ZNF385D: variants seen among roughly 807,000 people sequenced by gnomAD.
The protein encoded by ZNF385D is zinc finger protein 659.
ZNF385D carries 15 observed loss-of-function variants against 35.8 expected under a neutral mutation model. The ratio of observed to expected loss-of-function variants is 0.42; its 90% CI spans 0.28 to 0.64. ZNF385D has a LOEUF of 0.64. Among genes scored for constraint, ZNF385D ranks in the 30% least tolerant of loss-of-function variants. The probability of loss-of-function intolerance (pLI) is 0.23; values close to 1 mark genes in which losing one functional copy is unlikely to be tolerated. For missense variants in ZNF385D, 474 were observed against 494.6 expected, an observed-to-expected ratio of 0.96 and a Z score of 0.39; for synonymous variants, 212 against 186.8, an observed-to-expected ratio of 1.13 and a Z score of -1.10.
intron 2 of ZNF385D, among the ~76,000 whole-genome samples, chr3:22,194,397 T>C (rs945037460): frequency 6.6e-6 from 1 of 151,882 alleles, no homozygotes; most frequent in Admixed American, 6.6e-5. Context: ...TGGTGCATAA[T>C]ATAGAGTTAG....
At chr3:21,480,261 C>A (rs1704531597) in intron 4 of ZNF385D, among the ~76,000 whole-genome samples, 1 of 151,952 alleles carries the variant, frequency 6.6e-6, no homozygotes, top group African/African-American at 2.4e-5. Context: ...CACCACCACA[C>A]CCAGCTAATT....
chr3:22,279,627 T>TACATATAC, intron 2 of ZNF385D, among the ~76,000 whole-genome samples: 1 of 105,082 alleles, frequency 9.5e-6, no homozygotes, highest in African/African-American at 5.8e-5. Flanking sequence ...TATATGTATA[T>TACATATAC]GTGTGTATAT....
intron 3 of ZNF385D, among the ~76,000 whole-genome samples, chr3:21,990,965 A>T (rs1437254952): frequency 6.6e-6 from 1 of 152,246 alleles, no homozygotes; most frequent in Non-Finnish European, 1.5e-5. Flanking sequence ...GGCAATACCA[A>T]CAGTGCACTG....
intron 4 of ZNF385D, among the ~76,000 whole-genome samples, chr3:21,441,446 G>A (rs933857491): frequency 6.6e-6 from 1 of 152,144 alleles, no homozygotes; most frequent in Non-Finnish European, 1.5e-5. Context: ...TCAGTTGCAT[G>A]TGCTCTTCAT....
intron 3 of ZNF385D, among the ~76,000 whole-genome samples, chr3:21,963,424 A>C (rs1025480118): frequency 6.6e-6 from 1 of 152,168 alleles, no homozygotes; most frequent in Admixed American, 6.5e-5. Context: ...GGGAGGGGAA[A>C]GAGTTCGCAT....
rs566041937 is a variant in ZNF385D, at chr3:22,317,134, G to A, written c.106+55316C>T. On this transcript the variant is annotated intron_variant, in intron 2 of 5. Coordinates refer to the ZNF385D transcript ENST00000494108. ...CTCTACTAAAAATACAAAATTAGCCGGGCATGGTGGCATGCACCTGTAATT... is the reference window on the plus strand; with the variant it reads ...CTCTACTAAAAATACAAAATTAGCCAGGCATGGTGGCATGCACCTGTAATT... Among the ~76,000 whole-genome samples, 45 of 151,388 alleles carry A rather than the reference G, an allele frequency of 3.0e-4. No individual in the cohort carries two copies. The East Asian group carries it at 3.9e-3, about 13-fold the overall frequency.
intron 2 of ZNF385D, among the ~76,000 whole-genome samples, chr3:22,307,119 G>C (rs370135345): frequency 1.3e-5 from 2 of 151,990 alleles, no homozygotes; most frequent in African/African-American, 2.4e-5. Context: ...AAGTTTCTGC[G>C]CCCTAAAAGG....
At chr3:21,510,686 C>A (rs1326503200) in intron 4 of ZNF385D, among the ~76,000 whole-genome samples, 175 bp downstream of exon 4, 1 of 152,138 alleles carries the variant, frequency 6.6e-6, no homozygotes, top group East Asian at 1.9e-4. Flanking sequence ...TAGTGATTAT[C>A]TTAATCTTGC....
intron 3 of ZNF385D, among the ~76,000 whole-genome samples, chr3:22,111,186 G>A (rs1490552909): frequency 2.6e-4 from 17 of 64,600 alleles, no homozygotes; most frequent in Non-Finnish European, 1.2e-4. Flanking sequence ...TGTTTTTTTT[G>A]TACTCTCAGG....
intron 3 of ZNF385D, among the ~76,000 whole-genome samples, chr3:22,100,396 C>G (rs554126632): frequency 1.8e-3 from 270 of 147,942 alleles, no homozygotes; most frequent in African/African-American, 6.7e-3. Flanking sequence ...ATGTTTATTG[C>G]GGCAGTATTC....
intron 3 of ZNF385D, among the ~76,000 whole-genome samples, chr3:21,516,373 A>G (rs181026048): frequency 2.6e-5 from 4 of 152,204 alleles, no homozygotes; most frequent in Non-Finnish European, 4.4e-5. Context: ...GACCATTTTG[A>G]GCTGATTATT....
chr3:22,285,250 A>G (rs1701965486), intron 2 of ZNF385D, among the ~76,000 whole-genome samples: 1 of 152,168 alleles, frequency 6.6e-6, no homozygotes, highest in African/African-American at 2.4e-5. Flanking sequence ...TGGTGATAAG[A>G]GGCTCATCTG....
intron 2 of ZNF385D, among the ~76,000 whole-genome samples, chr3:22,203,100 GGC>G (rs1447167505): frequency 6.6e-6 from 1 of 152,042 alleles, no homozygotes; most frequent in Non-Finnish European, 1.5e-5. Flanking sequence ...CTCAATCCCA[GGC>G]AGTGCAGCTC....
At chr3:21,879,515 G>A (rs900647666) in intron 3 of ZNF385D, among the ~76,000 whole-genome samples, 4 of 151,872 alleles carry the variant, frequency 2.6e-5, no homozygotes, top group African/African-American at 9.7e-5. Flanking sequence ...TAGCTGATCT[G>A]CTGTAAACTT....
chr3:21,794,124 T>C (rs907533269), intron 3 of ZNF385D, among the ~76,000 whole-genome samples: 18 of 152,150 alleles, frequency 1.2e-4, no homozygotes, highest in Non-Finnish European at 2.6e-4. Context: ...GAGCCTTATG[T>C]GCGTAGCAAA....
chr3:22,311,711 G>A (rs1029814898), intron 2 of ZNF385D, among the ~76,000 whole-genome samples: 5 of 151,998 alleles, frequency 3.3e-5, no homozygotes, highest in Admixed American at 6.6e-5. Context: ...TAATATTCAC[G>A]CTTTGCTCTC....
chr3:21,817,590 G>A (rs1336511170), intron 3 of ZNF385D, among the ~76,000 whole-genome samples: 4 of 152,130 alleles, frequency 2.6e-5, no homozygotes, highest in African/African-American at 7.2e-5. Context: ...ATCATCACTG[G>A]CCATCAGAGA....
chr3:21,631,563 C>A (rs2065282759), intron 2 of ZNF385D, among the ~76,000 whole-genome samples: 1 of 152,090 alleles, frequency 6.6e-6, no homozygotes, highest in African/African-American at 2.4e-5. Flanking sequence ...AGTAGTTTCT[C>A]CTTTTCCCCA....
At chr3:22,085,393 T>C (rs570114718) in intron 3 of ZNF385D, among the ~76,000 whole-genome samples, 2 of 152,234 alleles carry the variant, frequency 1.3e-5, no homozygotes, top group South Asian at 4.2e-4. Context: ...ATAAAGGCGA[T>C]ATCACCACCG....
Sources: allele counts gnomAD v4.1 joint callset (sites outside exome capture counted in the v4.1 genomes callset), GRCh38; gene constraint gnomAD v4.1.1; transcripts MANE v1.5; gene names NCBI Gene and HGNC (gene_info 2026-07-23, HGNC 2026-07-21).